Variants in DOCK5 observed in about 807,000 individuals in gnomAD.
DOCK5 encodes dedicator of cytokinesis 5.
A neutral mutation model predicts 251.8 loss-of-function variants in DOCK5; 142 were observed. The observed-to-expected ratio is 0.56, with a 90% CI of 0.49 to 0.65. The LOEUF is 0.65. DOCK5 is among the 30% of genes least tolerant of loss of function. The pLI, the probability that DOCK5 is intolerant of heterozygous loss-of-function variation, is 0.00. For missense variants in DOCK5, 2,111 were observed against 2,312.3 expected (o/e 0.91, Z 1.79); for synonymous variants, 842 against 835.5 (o/e 1.01, Z -0.13).
At position 25,304,314 on chromosome 8, in the gene DOCK5, A is replaced by T. The variant is rs1185077130; in HGVS notation, c.1036A>T (p.Ile346Phe). The T allele has an allele frequency of 6.2e-7, 1 of 1,609,376 alleles. No homozygotes were observed. Among genetic ancestry groups the T allele is most frequent in the African/African-American group, 1.3e-5 (1 of 74,840 alleles). The change falls in exon 11 of 52, where the codon ATT becomes TTT. Residue 346 changes from isoleucine (I) to phenylalanine (F), a missense_variant. By Grantham distance (21) the Ile-to-Phe change is conservative. Coordinates refer to ENST00000276440, the MANE Select transcript of DOCK5 (RefSeq NM_024940.8). Reference sequence around the variant, plus strand: ...GGATGATGAAGAAAAGCAGCATTTTATTCCCTTTCAGCAGTAAGTACTTTG... The same window carrying T: ...GGATGATGAAGAAAAGCAGCATTTTTTTCCCTTTCAGCAGTAAGTACTTTG... Reference protein sequence around the residue: ...KVDDEEKQHFIPFQQIAMETY... With the variant: ...KVDDEEKQHFFPFQQIAMETY...
chr8:25,366,277 G>T (rs1348171395), intron 30 of DOCK5, among the ~76,000 whole-genome samples: 5 of 152,178 alleles, frequency 3.3e-5, no homozygotes, highest in African/African-American at 1.2e-4. Flanking sequence ...GATCACCTGA[G>T]GTCAGGAGTT....
At chr8:25,208,476 G>A (rs899382350) in intron 1 of DOCK5, among the ~76,000 whole-genome samples, 9 of 152,288 alleles carry the variant, frequency 5.9e-5, no homozygotes, top group South Asian at 2.1e-4. Context: ...AGCTGCCCCA[G>A]TCTTCAGCAA....
intron 5 of DOCK5, among the ~76,000 whole-genome samples, chr8:25,283,529 A>G (rs956313634): frequency 2.0e-5 from 3 of 152,222 alleles, no homozygotes; most frequent in African/African-American, 7.2e-5. Flanking sequence ...ACAGACCACA[A>G]GGACTCCGCC....
intron 1 of DOCK5, among the ~76,000 whole-genome samples, chr8:25,208,875 TC>T (rs1802065093): frequency 2.0e-5 from 3 of 152,132 alleles, no homozygotes; most frequent in African/African-American, 7.2e-5. Flanking sequence ...TTGCCTTCCC[TC>T]CCTCCCTGCA....
intron 2 of DOCK5, among the ~76,000 whole-genome samples, chr8:25,254,773 C>CT (rs1803367911): frequency 1.5e-4 from 1 of 6,560 alleles, no homozygotes; most frequent in Non-Finnish European, 2.8e-4. Flanking sequence ...GACTTTGTCT[C>CT]AAAAAAAAAC....
intron 50 of DOCK5, 88 bp downstream of exon 50, chr8:25,409,028 A>T (rs1801572465): frequency 6.4e-7 from 1 of 1,560,892 alleles, no homozygotes; most frequent in Non-Finnish European, 8.8e-7. Context: ...AACCAGCCAG[A>T]ATGTATGTAA....
At chr8:25,195,819 A>G (rs1037849994) in intron 1 of DOCK5, among the ~76,000 whole-genome samples, 1 of 152,226 alleles carries the variant, frequency 6.6e-6, no homozygotes, top group Non-Finnish European at 1.5e-5. Flanking sequence ...ACTAGAATGT[A>G]AAGTTATGAG....
chr8:25,368,487 T>C, intron 32 of DOCK5, 84 bp from the exon 33 acceptor site: 3 of 1,465,240 alleles, frequency 2.0e-6, no homozygotes, highest in Non-Finnish European at 2.8e-6. Context: ...CCTTTTCTTT[T>C]CTTATGGAAC....
At chr8:25,373,595 G>A (rs768224206) in intron 35 of DOCK5, 23 bp from the exon 36 acceptor site, 7 of 1,551,064 alleles carry the variant, frequency 4.5e-6, no homozygotes, top group Non-Finnish European at 6.1e-6. Flanking sequence ...TTGGGATTCT[G>A]TGATCCTTTT....
rs1481894817 is a variant in DOCK5 at position 25,254,785 on chromosome 8, AAACAAAAC to A, written c.127+11031_127+11038del. Among the ~76,000 whole-genome samples the A allele has an allele frequency of 8.5e-5, 11 of 129,350 alleles. 3 individuals carry two copies. Among genetic ancestry groups the A allele is most frequent in the African/African-American group, 1.8e-4 (5 of 28,026 alleles). The allele number at this position is 129,350 out of a possible 152,430, so 84.9% of individuals were successfully genotyped here. On this transcript the variant is annotated intron_variant, in intron 2 of 51. Coordinates refer to ENST00000276440, the MANE Select transcript of DOCK5 (RefSeq NM_024940.8). ...CAAGACTTTGTCTCAAAAAAAAACAAAACAAAACAAAAAAAAAAAACATTTGATAAAGG... is the reference window on the plus strand; with the variant it reads ...CAAGACTTTGTCTCAAAAAAAAACAAAAAAAAAAAAAACATTTGATAAAGG...
At chr8:25,359,465 A>G (rs1800638019) in intron 28 of DOCK5, among the ~76,000 whole-genome samples, 1 of 152,222 alleles carries the variant, frequency 6.6e-6, no homozygotes, top group South Asian at 2.1e-4. Context: ...AGAGGGCAAC[A>G]AAAAGAGGTA....
intron 30 of DOCK5, 45 bp from the exon 31 acceptor site, chr8:25,366,825 T>G (rs977073929): frequency 4.0e-6 from 6 of 1,485,160 alleles, no homozygotes; most frequent in Non-Finnish European, 5.6e-6. Flanking sequence ...CCCTTATTAA[T>G]GTTATTTTTC....
At chr8:25,237,580 AT>A (rs1471699247) in intron 1 of DOCK5, among the ~76,000 whole-genome samples, 1 of 152,096 alleles carries the variant, frequency 6.6e-6, no homozygotes, top group Non-Finnish European at 1.5e-5. Flanking sequence ...AATGCAAACT[AT>A]TTTGTCTTGT....
At chr8:25,305,225 A>G (rs1476046045) in intron 11 of DOCK5, 1 of 151,630 alleles carries the variant, frequency 6.6e-6, no homozygotes, top group Admixed American at 6.6e-5. Context: ...CCAGAGTCAT[A>G]TATTTGAGTT....
intron 1 of DOCK5, among the ~76,000 whole-genome samples, chr8:25,187,380 G>GTA (rs1801463134): frequency 6.6e-6 from 1 of 150,812 alleles, no homozygotes; most frequent in Non-Finnish European, 1.5e-5. Flanking sequence ...GTGTGTGTGT[G>GTA]TGTGTGTGTG....
chr8:25,355,507 G>A (rs76947092), intron 27 of DOCK5, among the ~76,000 whole-genome samples: 5 of 152,058 alleles, frequency 3.3e-5, no homozygotes, highest in Admixed American at 2.6e-4. Context: ...TGGAGTGCAG[G>A]GGTGCTATCT....
chr8:25,410,100 C>T lies in DOCK5; in HGVS notation c.5406C>T (p.Ser1802=), dbSNP rs1351181657. Residue 1802 remains serine (S), a splice_region_variant and synonymous_variant, in exon 51 of 52, where the codon AGC becomes AGT. Transcript: ENST00000276440. The stretch of plus-strand genomic sequence containing the variant: ...GCCTGCACTTTCTGTCATTTCTAGG[C>T]TCCCCATCGTTGCAGACAGATGGAA... The part of the protein sequence containing the change: ...PLTPKATRTL[S]SPSLQTDGIA... The T allele has an allele frequency of 1.9e-6, 3 of 1,612,386 alleles. No individual in the cohort carries two copies. The highest frequency in any genetic ancestry group is 1.7e-6 in the Non-Finnish European group (2 of 1,179,054).
intron 1 of DOCK5, among the ~76,000 whole-genome samples, chr8:25,213,270 C>T (rs1036205975): frequency 2.7e-5 from 4 of 150,116 alleles, no homozygotes; most frequent in East Asian, 2.0e-4. Context: ...GTGACTTCTC[C>T]GGGGTCTCTC....
chr8:25,375,789 G>A (rs1162919130), intron 37 of DOCK5: 2 of 985,218 alleles, frequency 2.0e-6, no homozygotes, highest in East Asian at 2.3e-4. Context: ...TTTAAGTTTA[G>A]GGCATTAAAA....
Sources: allele counts gnomAD v4.1 joint callset (sites outside exome capture counted in the v4.1 genomes callset), GRCh38; gene constraint gnomAD v4.1.1; transcripts MANE v1.5; gene names NCBI Gene and HGNC (gene_info 2026-07-23, HGNC 2026-07-21).